The following CEP162 variants were observed in gnomAD, a reference collection of about 807,000 sequenced individuals.
CEP162 encodes centrosomal protein of 162 kDa.
In CEP162, 141 loss-of-function variants were observed where a neutral mutation model predicts 169.2. The ratio of observed to expected loss-of-function variants is 0.83; its 90% CI spans 0.73 to 0.96. The LOEUF is 0.96. Ranked by LOEUF, CEP162 falls within the 40% of genes least tolerant of loss-of-function variation. The pLI, the probability that CEP162 is intolerant of heterozygous loss-of-function variation, is 0.00. For missense variants in CEP162, 1,600 were observed against 1,587.2 expected (o/e 1.01, Z -0.14); for synonymous variants, 540 against 526.4 (o/e 1.03, Z -0.35).
intron 3 of CEP162, among the ~76,000 whole-genome samples, chr6:84,220,363 G>A (rs115585966): frequency 0.015 from 2,357 of 152,188 alleles, 59 homozygotes; most frequent in African/African-American, 0.054. Context: ...TGGTGGCTTA[G>A]GCTTGTAATC....
chr6:84,125,346 A>G, intron 26 of CEP162, 70 bp from the exon 27 acceptor site: 1 of 1,357,376 alleles, frequency 7.4e-7, no homozygotes. Flanking sequence ...TAACAATCTT[A>G]AAGTAGGCAA....
chr6:84,163,332 T>C, intron 18 of CEP162, 62 bp from the exon 19 acceptor site: 1 of 1,240,660 alleles, frequency 8.1e-7, no homozygotes, highest in African/African-American at 1.5e-5. Context: ...TGTGGTATAG[T>C]CTTTCAAACA....
At position 84,130,820 on chromosome 6, in the gene CEP162, A is replaced by AT. The variant is rs779774146; in HGVS notation, c.3871-4309dup. Among the ~76,000 whole-genome samples the AT allele has an allele frequency of 4.0e-4, 60 of 151,854 alleles. 1 individual carries two copies. Among genetic ancestry groups the AT allele is most frequent in the African/African-American group, 8.7e-4 (36 of 41,412 alleles). ...AAAAAACCAGCTCCTGAATTCACTG[A>AT]TTTTTTTTGAAAGGTTTCTTGTGTC... On this transcript the variant is annotated intron_variant, in intron 25 of 26. Transcript: ENST00000403245.
chr6:84,172,114 GAA>G (rs140102120), intron 16 of CEP162, among the ~76,000 whole-genome samples: 2 of 149,756 alleles, frequency 1.3e-5, no homozygotes, highest in African/African-American at 4.9e-5. Context: ...CAAGAGAGGG[GAA>G]AAAAAAAATC....
chr6:84,207,296 T>C (rs1326262655), intron 6 of CEP162, among the ~76,000 whole-genome samples: 3 of 152,152 alleles, frequency 2.0e-5, no homozygotes, highest in African/African-American at 4.8e-5. Flanking sequence ...CTGTTCACAA[T>C]AGCAAAGACT....
intron 21 of CEP162, among the ~76,000 whole-genome samples, chr6:84,159,547 A>ATATTTTTTT (rs2099524779): frequency 1.3e-4 from 4 of 31,952 alleles, no homozygotes; most frequent in Non-Finnish European, 2.0e-4. Flanking sequence ...ATATATATAT[A>ATATTTTTTT]TTTTTTTTTT....
intron 25 of CEP162, among the ~76,000 whole-genome samples, chr6:84,133,400 A>AC (rs2129186246): frequency 6.6e-6 from 1 of 152,222 alleles, no homozygotes; most frequent in East Asian, 1.9e-4. Flanking sequence ...TCAGATAGGG[A>AC]CGTTTAAGTC....
intron 21 of CEP162, among the ~76,000 whole-genome samples, chr6:84,157,315 TTAAAG>T (rs1278871980): frequency 6.6e-6 from 1 of 152,226 alleles, no homozygotes; most frequent in Non-Finnish European, 1.5e-5. Context: ...TGAAAAAATC[TTAAAG>T]TATATTGTCT....
intron 25 of CEP162, among the ~76,000 whole-genome samples, chr6:84,145,181 A>T (rs1207117030): frequency 1.3e-5 from 2 of 152,102 alleles, no homozygotes; most frequent in Non-Finnish European, 2.9e-5. Context: ...ACTTCCTGGC[A>T]AGCCCAGGAG....
rs765498400 is a variant in CEP162, at chr6:84,152,738, T to G, written c.3436A>C (p.Asn1146His). ...KKDVLHSSKG[N>H]ANSFPGTLDS... Reference sequence around the variant, plus strand: ...AGGGTTCCAGGGAAGGAGTTAGCATTTCCTTTACTTGAGTGCAAAACATCT... The same window carrying G: ...AGGGTTCCAGGGAAGGAGTTAGCATGTCCTTTACTTGAGTGCAAAACATCT... Residue 1146 changes from asparagine to histidine, a missense_variant, in exon 23 of 27, where the codon AAT (asparagine) becomes CAT (histidine). Physicochemically the swap from Asn to His is moderately conservative, Grantham distance 68. Transcript: ENST00000403245. 2 of 1,613,224 alleles carry G rather than the reference T, an allele frequency of 1.2e-6. No individual in the cohort carries two copies. The highest frequency in any genetic ancestry group is 2.7e-5 in the African/African-American group (2 of 75,036).
intron 13 of CEP162, among the ~76,000 whole-genome samples, chr6:84,176,124 G>C (rs2129223241): frequency 6.6e-6 from 1 of 152,068 alleles, no homozygotes; most frequent in South Asian, 2.1e-4. Flanking sequence ...ATATCTGATT[G>C]CTTTAGAGAT....
rs766241303 is a variant in CEP162, at chr6:84,125,259, G to C, written c.4023C>G (p.His1341Gln). The C allele has an allele frequency of 1.2e-6, 2 of 1,613,088 alleles. No homozygotes were observed. The highest frequency in any genetic ancestry group is 2.7e-5 in the African/African-American group (2 of 74,862). ...TGTTTTGCTCAGTTTCTACTACTTGGTGTGTTTGCTGTATTATCTGCAAAT... is the reference window on the plus strand; with the variant it reads ...TGTTTTGCTCAGTTTCTACTACTTGCTGTGTTTGCTGTATTATCTGCAAAT... ...QELQQIIQQT[H>Q]QVVETEQNKE... The change falls in exon 27 of 27, where the codon CAC becomes CAG. Residue 1341 changes from histidine (H) to glutamine (Q), a missense_variant. Transcript: ENST00000403245.
Position 84,127,588 on chromosome 6 carries a change from A to G in CEP162, c.3871-1076T>C, listed in dbSNP as rs78564249. Among the ~76,000 whole-genome samples, 639 of 152,292 alleles carry G rather than the reference A, an allele frequency of 4.2e-3. 11 individuals are homozygous for G. The highest frequency in any genetic ancestry group is 0.041 in the East Asian group (212 of 5,180). ...AATGATTATTAAAATTATTTTTTAA[A>G]AAACTAATGACTAAACTAAGAAAGC... On this transcript the variant is annotated intron_variant, in intron 25 of 26. Coordinates refer to ENST00000403245, the MANE Select transcript of CEP162 (RefSeq NM_014895.4).
At chr6:84,170,768 G>A (rs1022124115) in intron 17 of CEP162, among the ~76,000 whole-genome samples, 5 of 152,080 alleles carry the variant, frequency 3.3e-5, no homozygotes, top group African/African-American at 4.8e-5. Flanking sequence ...CCATGTTCAC[G>A]GGCCCAGCTT....
At chr6:84,178,797 T>C (rs1305385128) in intron 13 of CEP162, among the ~76,000 whole-genome samples, 1 of 152,194 alleles carries the variant, frequency 6.6e-6, no homozygotes, top group Non-Finnish European at 1.5e-5. Context: ...CTCCTAATGC[T>C]ATACCTCCCC....
chr6:84,171,770 TAACA>T, intron 16 of CEP162, 52 bp from the exon 17 acceptor site: 4 of 701,392 alleles, frequency 5.7e-6, no homozygotes, highest in Non-Finnish European at 9.0e-6. Context: ...AGTACTTATA[TAACA>T]TAATATATGT....
Position 84,166,803 on chromosome 6 carries a change from A to G in CEP162, c.2385+2525T>C, listed in dbSNP as rs9449821. Among the ~76,000 whole-genome samples, 896 of 152,344 alleles carry G rather than the reference A, an allele frequency of 5.9e-3. 14 individuals carry two copies. Among genetic ancestry groups the G allele is most frequent in the African/African-American group, 0.021 (871 of 41,586 alleles). On this transcript the variant is annotated intron_variant, in intron 18 of 26. Coordinates refer to ENST00000403245, the MANE Select transcript of CEP162 (RefSeq NM_014895.4). ...TTTTAAGGTAAAAAGTAGACTATAC[A>G]TAAATCATAAATATACTTGACATGA...
chr6:84,153,006 A>C lies in CEP162; in HGVS notation c.3168T>G (p.Asn1056Lys). 6.2e-7 allele frequency: 1 copy of C among 1,613,590 alleles called. No homozygotes were observed. The highest frequency in any genetic ancestry group is 8.5e-7 in the Non-Finnish European group (1 of 1,179,732). ...EAEIDVLKHQ[N>K]AELDVKKNDK... is the part of the protein sequence containing the mutation. ...CATTTTTCTTGACGTCTAATTCAGC[A>C]TTCTGATGTTTAAGAACGTCTATTT... Residue 1056 changes from asparagine to lysine, a missense_variant, in exon 23 of 27, where the codon AAT (asparagine) becomes AAG (lysine). Physicochemically the swap from Asn to Lys is moderately conservative, Grantham distance 94. Transcript: ENST00000403245.
chr6:84,190,776 G>C (rs1479544275), intron 11 of CEP162, among the ~76,000 whole-genome samples: 1 of 152,212 alleles, frequency 6.6e-6, no homozygotes, highest in Non-Finnish European at 1.5e-5. Context: ...CTTCATTCTA[G>C]AAGTCAGTGA....
Sources: allele counts gnomAD v4.1 joint callset (sites outside exome capture counted in the v4.1 genomes callset), GRCh38; gene constraint gnomAD v4.1.1; transcripts MANE v1.5; gene names NCBI Gene and HGNC (gene_info 2026-07-23, HGNC 2026-07-21).